The following SH3TC2 variants were observed in gnomAD, a reference collection of about 807,000 sequenced individuals.
SH3TC2 encodes the protein SH3 domain and tetratricopeptide repeat-containing protein 2.
Under a neutral mutation model 124.5 loss-of-function variants are expected in SH3TC2, and 87 were observed. The observed-to-expected ratio is 0.70, with a 90% CI of 0.59 to 0.84. SH3TC2 has a LOEUF of 0.84. Among genes scored for constraint, SH3TC2 ranks in the 40% least tolerant of loss-of-function variants. The pLI is 0.00. For missense variants in SH3TC2, 1,536 were observed against 1,566.4 expected (o/e 0.98, Z 0.33); for synonymous variants, 634 against 628.5 (o/e 1.01, Z -0.13).
chr5:149,044,292 T>G, intron 4 of SH3TC2: 1 of 456,750 alleles, frequency 2.2e-6, no homozygotes, highest in Non-Finnish European at 4.0e-6. Flanking sequence ...GGTTATCTAA[T>G]AAAAAAAGAT....
rs1032735277 is a variant in SH3TC2, at chr5:148,999,672, T to C, written c.*5039A>G. On this transcript the variant is annotated 3_prime_UTR_variant, in exon 17 of 17. Coordinates refer to ENST00000515425, the MANE Select transcript of SH3TC2 (RefSeq NM_024577.4). ...ACATTAGTGGGGAAAACTGTTGATA[T>C]CTGAATCAAGGCTGGAGTGTTGTGT... 9.2e-5 allele frequency among the ~76,000 whole-genome samples: 14 copies of C among 152,218 alleles called. No homozygotes were observed. The highest frequency in any genetic ancestry group is 3.4e-4 in the African/African-American group (14 of 41,458).
Position 148,998,654 on chromosome 5 carries a change from T to C in SH3TC2, c.*6057A>G, listed in dbSNP as rs1042002013. Among the ~76,000 whole-genome samples, 1 of 152,212 alleles carries C rather than the reference T, an allele frequency of 6.6e-6. No individual in the cohort carries two copies. The highest frequency in any genetic ancestry group is 2.4e-5 in the African/African-American group (1 of 41,456). Reference sequence around the variant, plus strand: ...GCCAAGCAGCCCCACTGTGCAGTCCTGGCCACGCAAGTTATTCTTGATCCT... The same window carrying C: ...GCCAAGCAGCCCCACTGTGCAGTCCCGGCCACGCAAGTTATTCTTGATCCT... On this transcript the variant is annotated 3_prime_UTR_variant, in exon 17 of 17. Coordinates refer to ENST00000515425, the MANE Select transcript of SH3TC2 (RefSeq NM_024577.4).
chr5:149,012,506 T>A, intron 13 of SH3TC2, 78 bp downstream of exon 13: 4 of 1,569,124 alleles, frequency 2.5e-6, no homozygotes, highest in Non-Finnish European at 3.5e-6. Context: ...TGGTTCCCCC[T>A]GGTTGATTTG....
At chr5:149,024,383 CAA>C (rs1754029885) in intron 12 of SH3TC2, among the ~76,000 whole-genome samples, 1 of 152,158 alleles carries the variant, frequency 6.6e-6, no homozygotes, top group African/African-American at 2.4e-5. Flanking sequence ...GAACATACTA[CAA>C]AGTCTTTCAA....
intron 6 of SH3TC2, 80 bp from the exon 7 acceptor site, chr5:149,040,757 G>A: frequency 2.0e-5 from 21 of 1,066,984 alleles, no homozygotes; most frequent in Non-Finnish European, 2.7e-5. Context: ...TCAGAATAAT[G>A]ATGATGATGA....
At chr5:149,028,794 G>T in intron 9 of SH3TC2, 76 bp from the exon 10 acceptor site, 1 of 1,477,318 alleles carries the variant, frequency 6.8e-7, no homozygotes, top group Non-Finnish European at 9.5e-7. Context: ...GTGTACCCCA[G>T]ATCAGTGGCC....
chr5:149,055,650 A>C (rs1184045538), intron 1 of SH3TC2, among the ~76,000 whole-genome samples: 1 of 152,224 alleles, frequency 6.6e-6, no homozygotes, highest in Non-Finnish European at 1.5e-5. Context: ...GAAAATATGC[A>C]TGCACTAAGA....
rs116807654 is a variant in SH3TC2 at position 149,017,076 on chromosome 5, G to A, written c.3054-4342C>T. The stretch of plus-strand genomic sequence containing the variant: ...AAAAATAATAATATGCACATCCTTT[G>A]TGGCACTTACCACAATTTATACGAT... On this transcript the variant is annotated intron_variant, in intron 12 of 16. Transcript: ENST00000515425. Among the ~76,000 whole-genome samples the A allele has an allele frequency of 4.3e-3, 655 of 152,244 alleles. 1 individual carries two copies. Among genetic ancestry groups the A allele is most frequent in the Middle Eastern group, 0.01 (3 of 294 alleles).
rs142888483 is a variant in SH3TC2, at chr5:148,993,846, T to C, written c.*10865A>G. Among the ~76,000 whole-genome samples the C allele has an allele frequency of 2.6e-5, 4 of 152,342 alleles. No individual in the cohort carries two copies. In the East Asian group the frequency reaches 7.7e-4, roughly 29 times the overall value. On this transcript the variant is annotated 3_prime_UTR_variant, in exon 17 of 17. Transcript: ENST00000515425. ...AACAAAGAAGTGTTCATTAACTTCT[T>C]CGCCCAAACAAGTACTCTTCTGAAA... is the stretch of plus-strand genomic sequence containing the variant.
At chr5:149,010,240 G>T (rs1753761250) in intron 14 of SH3TC2, 30 bp downstream of exon 14, 2 of 1,614,034 alleles carry the variant, frequency 1.2e-6, no homozygotes. Flanking sequence ...GCCAGGACCT[G>T]TCTCAGCAAA....
intron 9 of SH3TC2, among the ~76,000 whole-genome samples, chr5:149,029,652 A>G (rs1459021477): frequency 6.6e-6 from 1 of 152,094 alleles, no homozygotes; most frequent in African/African-American, 2.4e-5. Context: ...GGAGACTGAA[A>G]AGGCACAGTC....
At chr5:149,047,709 A>C in intron 3 of SH3TC2, 153 bp downstream of exon 3, 7 of 1,007,694 alleles carry the variant, frequency 6.9e-6, no homozygotes, top group South Asian at 1.3e-5. Flanking sequence ...CTGTGCAGAG[A>C]ATGTGCACGG....
At chr5:149,026,505 G>A in intron 12 of SH3TC2, 67 bp downstream of exon 12, 1 of 1,595,632 alleles carries the variant, frequency 6.3e-7, no homozygotes, top group Non-Finnish European at 8.6e-7. Flanking sequence ...GCTTCCTGTG[G>A]GAAAGAACAC....
chr5:149,017,524 C>CCA (rs138361800), intron 12 of SH3TC2, among the ~76,000 whole-genome samples: 1 of 151,950 alleles, frequency 6.6e-6, no homozygotes, highest in Non-Finnish European at 1.5e-5. Flanking sequence ...GCCCCCCGCC[C>CCA]CACACACACA....
chr5:149,032,318 A>C (rs1409022844), intron 8 of SH3TC2, among the ~76,000 whole-genome samples: 1 of 152,240 alleles, frequency 6.6e-6, no homozygotes, highest in African/African-American at 2.4e-5. Context: ...CATTATAAGC[A>C]ATAAAGATCT....
chr5:149,040,504 G>A, intron 7 of SH3TC2, 100 bp downstream of exon 7: 4 of 1,122,124 alleles, frequency 3.6e-6, no homozygotes, highest in Non-Finnish European at 5.4e-6. Context: ...GCAGAGACGA[G>A]ACAAAAATTC....
intron 12 of SH3TC2, among the ~76,000 whole-genome samples, chr5:149,016,753 G>A (rs911593430): frequency 2.6e-5 from 4 of 151,866 alleles, no homozygotes; most frequent in South Asian, 2.1e-4. Context: ...GTGAAACCCC[G>A]TCTCTACTAA....
chr5:149,042,777 A>G lies in SH3TC2; in HGVS notation c.446T>C (p.Ile149Thr). The G allele has an allele frequency of 6.2e-7, 1 of 1,614,112 alleles. No individual in the cohort carries two copies. Among genetic ancestry groups the G allele is most frequent in the South Asian group, 1.1e-5 (1 of 91,092 alleles). ...LFDHKYWLNC[I>T]LVEDTEIQVS... is the part of the protein sequence containing the mutation. ...TTGGATCTCTGTATCCTCCACCAAT[A>G]TGCAGTTGAGCCAGTACTTGTGGTC... is the stretch of plus-strand genomic sequence containing the variant. The change falls in exon 5 of 17, where the codon ATA becomes ACA. Residue 149 changes from isoleucine to threonine, a missense_variant. Coordinates refer to ENST00000515425, the MANE Select transcript of SH3TC2 (RefSeq NM_024577.4).
intron 2 of SH3TC2, 139 bp from the exon 3 acceptor site, chr5:149,048,128 C>G: frequency 8.4e-7 from 1 of 1,193,094 alleles, no homozygotes; most frequent in East Asian, 2.5e-5. Context: ...TTAGAGTGGT[C>G]TTAACACTTC....
Sources: gnomAD v4.1 joint callset for allele counts (sites outside exome capture counted in the v4.1 genomes callset) on GRCh38, gnomAD v4.1.1 for gene constraint, MANE v1.5 for transcripts, NCBI Gene and HGNC (gene_info 2026-07-23, HGNC 2026-07-21) for gene names.